SOBP: variants seen among roughly 807,000 people sequenced by gnomAD.
The protein encoded by SOBP is sine oculis-binding protein homolog.
In SOBP, 4 loss-of-function variants were observed where a neutral mutation model predicts 53.6. That is an observed-to-expected ratio of 0.07 (90% CI 0.04 to 0.17). SOBP has a LOEUF of 0.17. SOBP is among the 10% of genes least tolerant of loss of function. The pLI, the probability that SOBP is intolerant of heterozygous loss-of-function variation, is 1.00. For missense variants in SOBP, 1,088 were observed against 1,204.7 expected (o/e 0.90, Z 1.43); for synonymous variants, 584 against 522.6 (o/e 1.12, Z -1.60).
intron 5 of SOBP, among the ~76,000 whole-genome samples, chr6:107,594,876 G>A (rs1056753127): frequency 3.9e-5 from 6 of 152,214 alleles, no homozygotes; most frequent in African/African-American, 1.4e-4. Flanking sequence ...GAGGCCCAGT[G>A]AGCAGGCACA....
intron 4 of SOBP, among the ~76,000 whole-genome samples, chr6:107,570,928 C>T (rs1477388847): frequency 1.3e-5 from 2 of 152,214 alleles, no homozygotes; most frequent in East Asian, 3.8e-4. Context: ...TTTGTGCTTA[C>T]GGTTTTCGTG....
At chr6:107,590,554 A>G (rs748594256) in intron 5 of SOBP, among the ~76,000 whole-genome samples, 9 of 152,150 alleles carry the variant, frequency 5.9e-5, no homozygotes, top group Non-Finnish European at 1.2e-4. Flanking sequence ...TCACCTAGAC[A>G]ACGTCTGAAT....
At chr6:107,523,145 A>G (rs1033541209) in intron 3 of SOBP, among the ~76,000 whole-genome samples, 2 of 152,240 alleles carry the variant, frequency 1.3e-5, no homozygotes, top group African/African-American at 4.8e-5. Flanking sequence ...AACTGGAGTC[A>G]TAAGAATACG....
intron 3 of SOBP, among the ~76,000 whole-genome samples, chr6:107,509,184 C>T (rs957916435): frequency 6.6e-6 from 1 of 151,986 alleles, no homozygotes; most frequent in South Asian, 2.1e-4. Context: ...CACCTGAGGT[C>T]GGGAGTTTGA....
intron 6 of SOBP, among the ~76,000 whole-genome samples, chr6:107,637,129 C>T (rs1173337205): frequency 6.6e-6 from 1 of 152,214 alleles, no homozygotes; most frequent in Non-Finnish European, 1.5e-5. Context: ...ACTGAGTCTA[C>T]CTCCTAACTT....
chr6:107,592,078 A>C (rs1365532622), intron 5 of SOBP, among the ~76,000 whole-genome samples: 1 of 148,982 alleles, frequency 6.7e-6, no homozygotes, highest in Admixed American at 6.8e-5. Context: ...GGGACAATGC[A>C]TACATAAAAC....
rs139490363 is a variant in SOBP at position 107,652,499 on chromosome 6, A to G, written c.*4-5708A>G. On this transcript the variant is annotated intron_variant, in intron 6 of 6. Coordinates refer to ENST00000317357, the MANE Select transcript of SOBP (RefSeq NM_018013.4). Reference sequence around the variant, plus strand: ...TGAACAAAGAAATTGGTTTCTAGAGATAGAATCTGCTCCTGGTAAAGATGC... The same window carrying G: ...TGAACAAAGAAATTGGTTTCTAGAGGTAGAATCTGCTCCTGGTAAAGATGC... Among the ~76,000 whole-genome samples the G allele has an allele frequency of 9.4e-3, 1,425 of 152,378 alleles. 12 individuals are homozygous for G. The highest frequency in any genetic ancestry group is 0.017 in the Middle Eastern group (5 of 294).
At chr6:107,546,939 TG>T (rs916977525) in intron 4 of SOBP, among the ~76,000 whole-genome samples, 10 of 152,102 alleles carry the variant, frequency 6.6e-5, no homozygotes, top group African/African-American at 1.9e-4. Flanking sequence ...ATTAAGAACC[TG>T]GGGAAGGAGT....
chr6:107,565,806 C>G (rs1382265571), intron 4 of SOBP, among the ~76,000 whole-genome samples: 3 of 152,164 alleles, frequency 2.0e-5, no homozygotes, highest in African/African-American at 7.2e-5. Context: ...CAAATCTAAC[C>G]AGGAACACTA....
In SOBP at chr6:107,659,153, A is replaced by G. The variant is rs1772191860; in HGVS notation, c.*950A>G. On this transcript the variant is annotated 3_prime_UTR_variant, in exon 7 of 7. Coordinates refer to ENST00000317357, the MANE Select transcript of SOBP (RefSeq NM_018013.4). ...ATTTCAACCCTGATGGTTTTCGGTGATCCAGGAAGTCAGTGAGACAATCTC... is the reference window on the plus strand; with the variant it reads ...ATTTCAACCCTGATGGTTTTCGGTGGTCCAGGAAGTCAGTGAGACAATCTC... 6.6e-6 allele frequency: 1 copy of G among 152,610 alleles called. No homozygotes were observed. The highest frequency in any genetic ancestry group is 2.4e-5 in the African/African-American group (1 of 41,456). 9.5% of individuals were successfully genotyped at this position (152,610 alleles called of 1,614,324 possible). A position where few individuals can be genotyped will look rare whatever the true frequency, so the allele number is the denominator to read the frequency against.
intron 4 of SOBP, among the ~76,000 whole-genome samples, chr6:107,564,523 A>G (rs1937759280): frequency 7.2e-6 from 1 of 139,584 alleles, no homozygotes; most frequent in Non-Finnish European, 1.5e-5. Context: ...ATTTTCTTCC[A>G]GAATTCTGTG....
intron 5 of SOBP, among the ~76,000 whole-genome samples, chr6:107,591,968 G>GTTTTTTTTTTTTTTT (rs56210027): frequency 1.1e-5 from 1 of 88,636 alleles, no homozygotes; most frequent in Non-Finnish European, 2.2e-5. Flanking sequence ...GTCTTTTGGT[G>GTTTTTTTTTTTTTTT]TTTTTTTTTT....
chr6:107,620,562 G>A (rs1399390889), intron 5 of SOBP, among the ~76,000 whole-genome samples: 2 of 152,122 alleles, frequency 1.3e-5, no homozygotes, highest in Non-Finnish European at 2.9e-5. Context: ...GCATCTCATG[G>A]GCTCTGTTCT....
rs1243767172 is a variant in SOBP, at chr6:107,496,139, G to C, written c.96+5427G>C. Among the ~76,000 whole-genome samples, 3 of 152,162 alleles carry C rather than the reference G, an allele frequency of 2.0e-5. No homozygotes were observed. The East Asian group carries it at 5.8e-4, about 29-fold the overall frequency. On this transcript the variant is annotated intron_variant, in intron 1 of 6. Coordinates refer to ENST00000317357, the MANE Select transcript of SOBP (RefSeq NM_018013.4). ...GTTAATATCTCTTATATAACCAAAGGCCTGTGGAACTCTGTGCTGCATTAA... is the reference window on the plus strand; with the variant it reads ...GTTAATATCTCTTATATAACCAAAGCCCTGTGGAACTCTGTGCTGCATTAA...
intron 5 of SOBP, among the ~76,000 whole-genome samples, chr6:107,601,150 G>A (rs933504420): frequency 6.6e-6 from 1 of 152,114 alleles, no homozygotes; most frequent in African/African-American, 2.4e-5. Context: ...TCTGGAATGC[G>A]GCAGCATTGG....
chr6:107,499,479 G>C (rs958601389), intron 1 of SOBP, among the ~76,000 whole-genome samples: 5 of 152,160 alleles, frequency 3.3e-5, no homozygotes, highest in Non-Finnish European at 7.3e-5. Flanking sequence ...TGGACCACAT[G>C]GTTTGAGAGA....
rs773200065 is a variant in SOBP, at chr6:107,635,057, C to G, written c.2213C>G (p.Ala738Gly). Residue 738 changes from alanine to glycine, a missense_variant, in exon 6 of 7, where the codon GCG (alanine) becomes GGG (glycine). By Grantham distance (60) the Ala-to-Gly change is moderately conservative. Transcript: ENST00000317357. The surrounding 1 kb of genome is among the most constrained non-coding windows in gnomAD (Gnocchi z 4.5). ...GCCGCCGCCGAGGGCGCTAAGAGCG[C>G]GGAGCCGCCTCCCGAGCAGCCGCCG... The part of the protein sequence containing the change: ...RGAAAEGAKS[A>G]EPPPEQPPPP... 21 of 1,523,778 alleles carry G rather than the reference C, an allele frequency of 1.4e-5. No homozygotes were observed. The South Asian group carries it at 2.6e-4, about 19-fold the overall frequency. 94.4% of individuals were successfully genotyped at this position (1,523,778 alleles called of 1,614,324 possible).
chr6:107,601,173 C>G (rs922008065), intron 5 of SOBP, among the ~76,000 whole-genome samples: 1 of 152,106 alleles, frequency 6.6e-6, no homozygotes, highest in African/African-American at 2.4e-5. Context: ...CAGTTGAGTT[C>G]CTCTCTGACA....
At chr6:107,500,669 C>G (rs1202197769) in intron 1 of SOBP, among the ~76,000 whole-genome samples, 18 of 151,580 alleles carry the variant, frequency 1.2e-4, no homozygotes, top group Admixed American at 9.9e-4. Flanking sequence ...CTACAGGCGC[C>G]CGCCACTACG....
Sources: allele counts gnomAD v4.1 joint callset (sites outside exome capture counted in the v4.1 genomes callset), GRCh38; gene constraint gnomAD v4.1.1; non-coding constraint Gnocchi (gnomAD v3.1); transcripts MANE v1.5; gene names NCBI Gene and HGNC (gene_info 2026-07-23, HGNC 2026-07-21).